Variants in CNTN1 observed in about 807,000 individuals in gnomAD.
CNTN1 encodes the protein contactin-1.
A neutral mutation model predicts 126.4 loss-of-function variants in CNTN1; 38 were observed. That is an observed-to-expected ratio of 0.30 (90% CI 0.23 to 0.39). The LOEUF (loss-of-function observed/expected upper bound fraction) is 0.39, where lower values mean the gene tolerates loss of function less well. Ranked by LOEUF, CNTN1 falls within the 10% of genes least tolerant of loss-of-function variation. The probability of loss-of-function intolerance (pLI) is 1.00; values close to 1 mark genes in which losing one functional copy is unlikely to be tolerated. For missense variants in CNTN1, 1,009 were observed against 1,248.4 expected (o/e 0.81, Z 2.89); for synonymous variants, 413 against 422.6 (o/e 0.98, Z 0.28).
chr12:40,732,235 A>G (rs937841262), intron 1 of CNTN1, among the ~76,000 whole-genome samples: 33 of 152,110 alleles, frequency 2.2e-4, no homozygotes, highest in African/African-American at 7.9e-4. Flanking sequence ...TGATAATGTT[A>G]TGTCTATTTT....
chr12:41,047,008 T>C (rs1327709207), intron 23 of CNTN1, among the ~76,000 whole-genome samples: 2 of 151,960 alleles, frequency 1.3e-5, no homozygotes, highest in Non-Finnish European at 2.9e-5. Context: ...CAAACTCATA[T>C]TAAATATAAC....
In CNTN1 at chr12:40,939,441, GT is replaced by G; in HGVS notation, c.1339del (p.Ser447HisfsTer100). ...CKPKAAPKPK[F>X]SWSKGTEWLV... ...AACCTAAAGCTGCACCGAAACCAAA[GT>G]TTTCATGGAGTAAAGGGACAGAGTG... is the stretch of plus-strand genomic sequence containing the variant. On this transcript the variant is annotated frameshift_variant, in exon 12 of 24. Coordinates refer to ENST00000551295, the MANE Select transcript of CNTN1 (RefSeq NM_001843.4). LOFTEE classifies it high-confidence loss of function. The G allele has an allele frequency of 6.2e-7, 1 of 1,613,950 alleles. No homozygotes were observed. Among genetic ancestry groups the G allele is most frequent in the Non-Finnish European group, 8.5e-7 (1 of 1,179,938 alleles).
chr12:40,716,826 G>A (rs1168394084), intron 1 of CNTN1, among the ~76,000 whole-genome samples: 1 of 152,188 alleles, frequency 6.6e-6, no homozygotes, highest in Non-Finnish European at 1.5e-5. Flanking sequence ...CTTCTCTGAT[G>A]TTAAGGAACC....
rs964782447 is a variant in CNTN1 at position 40,827,767 on chromosome 12, A to G, written c.-76-80590A>G. 3.9e-5 allele frequency among the ~76,000 whole-genome samples: 6 copies of G among 152,076 alleles called. No homozygotes were observed. In the East Asian group the frequency reaches 1.2e-3, roughly 29 times the overall value. On this transcript the variant is annotated intron_variant, in intron 1 of 23. Transcript: ENST00000551295. ...TTAGGTTGTAATTTTATTTGTGGAA[A>G]TAAACCAATCGTGGAGCTCCAATTG... is the stretch of plus-strand genomic sequence containing the variant.
At chr12:40,705,555 A>C (rs1449784968) in intron 1 of CNTN1, among the ~76,000 whole-genome samples, 6 of 151,714 alleles carry the variant, frequency 4.0e-5, no homozygotes, top group Admixed American at 1.3e-4. Flanking sequence ...TTATACTTTA[A>C]GTTTTAGGGT....
chr12:40,986,619 C>A (rs934944361), intron 16 of CNTN1, among the ~76,000 whole-genome samples: 1 of 152,126 alleles, frequency 6.6e-6, no homozygotes, highest in Non-Finnish European at 1.5e-5. Flanking sequence ...CCAGAGTGCT[C>A]GGGCTTTTTA....
In CNTN1 at chr12:40,823,206, CT is replaced by C. The variant is rs138381319; in HGVS notation, c.-76-85146del. ...AAATTAGTTGTGATTACTATAAATA[CT>C]TTTTATATAACAGGGACTACTTGTT... On this transcript the variant is annotated intron_variant, in intron 1 of 23. Coordinates refer to ENST00000551295, the MANE Select transcript of CNTN1 (RefSeq NM_001843.4). Among the ~76,000 whole-genome samples, 1,351 of 151,962 alleles carry C rather than the reference CT, an allele frequency of 8.9e-3. 15 individuals are homozygous for C. The highest frequency in any genetic ancestry group is 0.031 in the African/African-American group (1,272 of 41,430).
At chr12:41,055,143 A>AT (rs918409376) in intron 23 of CNTN1, among the ~76,000 whole-genome samples, 18 of 151,644 alleles carry the variant, frequency 1.2e-4, no homozygotes, top group South Asian at 2.1e-4. Context: ...TAAGGGAATT[A>AT]TTTTTTTTAT....
chr12:40,749,162 T>C (rs2136394382), intron 1 of CNTN1, among the ~76,000 whole-genome samples: 1 of 152,264 alleles, frequency 6.6e-6, no homozygotes, highest in East Asian at 1.9e-4. Flanking sequence ...GTAAGAATCA[T>C]TGAGAGACTG....
Position 40,795,274 on chromosome 12 carries a change from TAC to T in CNTN1, c.-77+102726_-77+102727del, listed in dbSNP as rs71078269. Among the ~76,000 whole-genome samples, 1,017 of 124,126 alleles carry T rather than the reference TAC, an allele frequency of 8.2e-3. 10 individuals are homozygous for T. Among genetic ancestry groups the T allele is most frequent in the African/African-American group, 0.029 (961 of 32,580 alleles). The allele number at this position is 124,126 out of a possible 152,430, so 81.4% of individuals were successfully genotyped here. ...ATCTCTGTAAACATGTCTACATGTATACACACACACACACACACACACACACA... is the reference window on the plus strand; with the variant it reads ...ATCTCTGTAAACATGTCTACATGTATACACACACACACACACACACACACA... On this transcript the variant is annotated intron_variant, in intron 1 of 23. Coordinates refer to ENST00000551295, the MANE Select transcript of CNTN1 (RefSeq NM_001843.4).
chr12:40,852,083 A>T (rs1162027191), intron 1 of CNTN1, among the ~76,000 whole-genome samples: 1 of 152,158 alleles, frequency 6.6e-6, no homozygotes, highest in Non-Finnish European at 1.5e-5. Context: ...TACCATGGTG[A>T]CCAATGGATG....
rs897467981 is a variant in CNTN1 at position 40,933,746 on chromosome 12, A to G, written c.853A>G (p.Thr285Ala). 6.2e-7 allele frequency: 1 copy of G among 1,612,956 alleles called. No individual in the cohort carries two copies. The highest frequency in any genetic ancestry group is 8.5e-7 in the Non-Finnish European group (1 of 1,179,190). The change falls in exon 9 of 24, where the codon ACT becomes GCT. Residue 285 changes from threonine to alanine, a missense_variant. By Grantham distance (58) the Thr-to-Ala change is moderately conservative (BLOSUM62 0). Coordinates refer to ENST00000551295, the MANE Select transcript of CNTN1 (RefSeq NM_001843.4). The stretch of plus-strand genomic sequence containing the variant: ...GAAGGTTCTAGAACCAATGCCAAGC[A>G]CTGCTGAGATTAGCACCTCTGGGGC... ...WRKVLEPMPS[T>A]AEISTSGAVL...
intron 1 of CNTN1, among the ~76,000 whole-genome samples, chr12:40,862,375 A>G (rs1412992736): frequency 2.6e-5 from 4 of 152,172 alleles, no homozygotes; most frequent in Non-Finnish European, 4.4e-5. Flanking sequence ...GTACCAGTCT[A>G]CTGCCTTTCA....
intron 1 of CNTN1, among the ~76,000 whole-genome samples, chr12:40,703,271 T>C (rs1365736363): frequency 6.6e-6 from 1 of 152,166 alleles, no homozygotes; most frequent in Non-Finnish European, 1.5e-5. Flanking sequence ...ATTTGGTATT[T>C]CCCTATAGAC....
At chr12:40,825,475 T>C (rs1354526077) in intron 1 of CNTN1, among the ~76,000 whole-genome samples, 1 of 152,166 alleles carries the variant, frequency 6.6e-6, no homozygotes, top group Admixed American at 6.6e-5. Context: ...TCACTCCTTA[T>C]TTTACATGCA....
chr12:40,782,851 T>G (rs2136452607), intron 1 of CNTN1, among the ~76,000 whole-genome samples: 1 of 151,972 alleles, frequency 6.6e-6, no homozygotes, highest in East Asian at 1.9e-4. Context: ...AATTGTCTAG[T>G]TTTTCCAAGG....
intron 23 of CNTN1, among the ~76,000 whole-genome samples, chr12:41,031,917 T>G (rs1484594065): frequency 1.3e-5 from 2 of 152,118 alleles, no homozygotes; most frequent in Admixed American, 6.5e-5. Flanking sequence ...AAATTACAGG[T>G]TTTTTTCTAA....
At chr12:40,895,715 A>C (rs1193362582) in intron 1 of CNTN1, among the ~76,000 whole-genome samples, 1 of 151,074 alleles carries the variant, frequency 6.6e-6, no homozygotes, top group Non-Finnish European at 1.5e-5. Flanking sequence ...AAACCATAGC[A>C]CCAATGTTAA....
At chr12:41,018,174 G>T (rs1003226441) in intron 19 of CNTN1, among the ~76,000 whole-genome samples, 2 of 151,964 alleles carry the variant, frequency 1.3e-5, no homozygotes, top group African/African-American at 4.8e-5. Flanking sequence ...AAAACAAATA[G>T]AGATGTCATT....
Sources: gnomAD v4.1 joint callset for allele counts (sites outside exome capture counted in the v4.1 genomes callset) on GRCh38, gnomAD v4.1.1 for gene constraint, MANE v1.5 for transcripts, NCBI Gene and HGNC (gene_info 2026-07-23, HGNC 2026-07-21) for gene names.